The following LDLRAD4 variants were observed in gnomAD, a reference collection of about 807,000 sequenced individuals.
LDLRAD4 encodes the protein low density lipoprotein receptor class A domain containing 4.
LDLRAD4 carries 5 observed loss-of-function variants against 17.0 expected under a neutral mutation model. The observed-to-expected ratio is 0.29, with a 90% CI of 0.15 to 0.62. The LOEUF (loss-of-function observed/expected upper bound fraction) is 0.62. Ranked by LOEUF, LDLRAD4 falls within the 20% of genes least tolerant of loss-of-function variation. LDLRAD4 has a pLI of 0.84. For missense variants in LDLRAD4, 340 were observed against 424.7 expected, an observed-to-expected ratio of 0.80 and a Z score of 1.75; for synonymous variants, 168 against 171.8, an observed-to-expected ratio of 0.98 and a Z score of 0.17.
intron 3 of LDLRAD4, chr18:13,514,484 G>C: frequency 6.6e-6 from 1 of 152,168 alleles, no homozygotes; most frequent in Non-Finnish European, 1.5e-5. Flanking sequence ...ATCCGAGTCA[G>C]GTGGGCCTCG....
chr18:13,456,046 G>A (rs910634893), intron 3 of LDLRAD4, among the ~76,000 whole-genome samples: 1 of 152,152 alleles, frequency 6.6e-6, no homozygotes, highest in Non-Finnish European at 1.5e-5. Flanking sequence ...TTGGCTCCCA[G>A]CATATGGAGG....
chr18:13,283,761 G>C (rs1250076731), intron 1 of LDLRAD4, among the ~76,000 whole-genome samples: 1 of 152,126 alleles, frequency 6.6e-6, no homozygotes, highest in Non-Finnish European at 1.5e-5. Context: ...CCACTCTACT[G>C]ATACCAATTT....
chr18:13,639,620 T>C lies in LDLRAD4; in HGVS notation c.337-3739T>C, dbSNP rs574139815. ...AGTCTTCCCATCTGGGTTTTCTGGG[T>C]AGCAGCCTGGGGCACAGAGCTGGAA... On this transcript the variant is annotated intron_variant, in intron 4 of 5. Coordinates refer to ENST00000359446, the Ensembl canonical transcript of LDLRAD4. 2.0e-5 allele frequency among the ~76,000 whole-genome samples: 3 copies of C among 152,290 alleles called. No individual in the cohort carries two copies. In the East Asian group the frequency reaches 5.8e-4, roughly 29 times the overall value.
chr18:13,292,740 A>T lies in LDLRAD4; in HGVS notation c.-383+14552A>T, dbSNP rs1300144783. 2.6e-5 allele frequency among the ~76,000 whole-genome samples: 4 copies of T among 152,214 alleles called. No individual in the cohort carries two copies. The East Asian group carries it at 7.7e-4, about 29-fold the overall frequency. On this transcript the variant is annotated intron_variant, in intron 1 of 5. Transcript: ENST00000359446. Reference sequence around the variant, plus strand: ...GTGTTTTCTGGTTATTGCATGGAGGATTTATTTTGCAATTAATGAGGCAGC... The same window carrying T: ...GTGTTTTCTGGTTATTGCATGGAGGTTTTATTTTGCAATTAATGAGGCAGC...
intron 1 of LDLRAD4, among the ~76,000 whole-genome samples, chr18:13,365,027 A>G (rs1001676212): frequency 2.0e-4 from 30 of 152,350 alleles, no homozygotes; most frequent in Admixed American, 1.6e-3. Flanking sequence ...GTTGTGCAGT[A>G]CAAGTAACTA....
At chr18:13,535,752 C>G (rs1219380586) in intron 3 of LDLRAD4, among the ~76,000 whole-genome samples, 1 of 152,104 alleles carries the variant, frequency 6.6e-6, no homozygotes, top group Non-Finnish European at 1.5e-5. Context: ...CAAAGATTTT[C>G]TCCCATGTTT....
exon 6 of LDLRAD4, chr18:13,650,031 C>T (rs1202223461): frequency 2.5e-6 from 1 of 398,494 alleles, no homozygotes; most frequent in African/African-American, 2.1e-5. Context: ...TGCTAGTTCT[C>T]AGCAGCTGCG....
chr18:13,506,013 C>T (rs4796988), intron 3 of LDLRAD4, among the ~76,000 whole-genome samples: 89,726 of 151,732 alleles, frequency 0.59, 28,534 homozygotes, highest in East Asian at 0.74. Flanking sequence ...TGTGGATCCA[C>T]TTCCCACTTG....
chr18:13,559,304 A>G (rs2094516268), intron 3 of LDLRAD4, among the ~76,000 whole-genome samples: 1 of 152,192 alleles, frequency 6.6e-6, no homozygotes, highest in Non-Finnish European at 1.5e-5. Flanking sequence ...CCCCTCACCA[A>G]CAAACAAACA....
chr18:13,473,680 A>T (rs1381729923), intron 3 of LDLRAD4, among the ~76,000 whole-genome samples: 2 of 60,092 alleles, frequency 3.3e-5, no homozygotes, highest in Non-Finnish European at 7.3e-5. Flanking sequence ...TATATATATA[A>T]CGTTTACATT....
chr18:13,264,477 G>T (rs1362098115), intron 1 of LDLRAD4, among the ~76,000 whole-genome samples: 2 of 152,268 alleles, frequency 1.3e-5, no homozygotes, highest in Non-Finnish European at 2.9e-5. Flanking sequence ...CAATTCCACA[G>T]TGTCCCTTTA....
chr18:13,422,820 G>A (rs1032723571), intron 2 of LDLRAD4, among the ~76,000 whole-genome samples: 2 of 152,216 alleles, frequency 1.3e-5, no homozygotes, highest in African/African-American at 4.8e-5. Flanking sequence ...AGCAAGCCTT[G>A]CTCCAGCCTT....
intron 1 of LDLRAD4, among the ~76,000 whole-genome samples, chr18:13,313,030 T>G (rs7242207): frequency 0.37 from 55,416 of 151,780 alleles, 10,852 homozygotes; most frequent in African/African-American, 0.51. Flanking sequence ...CTGACTTCGT[T>G]AAGGGGAGGA....
intron 2 of LDLRAD4, among the ~76,000 whole-genome samples, chr18:13,391,511 G>C (rs1321746829): frequency 1.3e-5 from 2 of 152,086 alleles, no homozygotes; most frequent in African/African-American, 4.8e-5. Flanking sequence ...TATGATCTTA[G>C]GTGAATGCTT....
chr18:13,449,758 T>C (rs1413694267), intron 3 of LDLRAD4, among the ~76,000 whole-genome samples: 1 of 152,248 alleles, frequency 6.6e-6, no homozygotes, highest in Non-Finnish European at 1.5e-5. Context: ...TGAGCTACAC[T>C]TCAGGCCTTT....
At chr18:13,357,880 T>C (rs1315115903) in intron 1 of LDLRAD4, among the ~76,000 whole-genome samples, 1 of 152,238 alleles carries the variant, frequency 6.6e-6, no homozygotes, top group Non-Finnish European at 1.5e-5. Flanking sequence ...ACTGCTTTTT[T>C]ACATATAATT....
At chr18:13,503,957 T>C (rs769572633) in intron 3 of LDLRAD4, among the ~76,000 whole-genome samples, 6 of 152,208 alleles carry the variant, frequency 3.9e-5, no homozygotes, top group Admixed American at 6.5e-5. Flanking sequence ...GCAAGGCTCA[T>C]ATAGTACATA....
chr18:13,652,617 G>T (rs1161359503), exon 6 of LDLRAD4: 1 of 152,592 alleles, frequency 6.6e-6, no homozygotes, highest in Non-Finnish European at 1.5e-5. Context: ...TAGACCTAAG[G>T]TCTGTAATTG....
At chr18:13,466,127 C>T (rs1041929552) in intron 3 of LDLRAD4, among the ~76,000 whole-genome samples, 2 of 152,094 alleles carry the variant, frequency 1.3e-5, no homozygotes, top group African/African-American at 2.4e-5. Context: ...TATAGTAACA[C>T]ATAGTTTGCA....
Sources: allele counts gnomAD v4.1 joint callset (sites outside exome capture counted in the v4.1 genomes callset), GRCh38; gene constraint gnomAD v4.1.1; transcripts MANE v1.5; gene names NCBI Gene and HGNC (gene_info 2026-07-23, HGNC 2026-07-21).